The following KLHL2 variants were observed in gnomAD, a reference collection of about 807,000 sequenced individuals.
KLHL2 encodes kelch like family member 2, also known as kelch-like protein 2.
KLHL2 carries 15 observed loss-of-function variants against 75.8 expected under a neutral mutation model. The ratio of observed to expected loss-of-function variants is 0.20; its 90% CI spans 0.13 to 0.30. The LOEUF (loss-of-function observed/expected upper bound fraction) is 0.30. KLHL2 is among the 10% of genes least tolerant of loss of function. The probability of loss-of-function intolerance (pLI) is 1.00; values close to 1 mark genes in which losing one functional copy is unlikely to be tolerated. For synonymous variants in KLHL2, 214 were observed against 251.9 expected (o/e 0.85, Z 1.42); for missense variants, 381 against 741.0 (o/e 0.51, Z 5.64).
intron 4 of KLHL2, among the ~76,000 whole-genome samples, chr4:165,243,746 G>A (rs1305571493): frequency 6.6e-6 from 1 of 152,202 alleles, no homozygotes; most frequent in African/African-American, 2.4e-5. Context: ...GGAGTATGCT[G>A]TATAGATAGT....
At chr4:165,286,679 A>T (rs1231313507) in intron 5 of KLHL2, among the ~76,000 whole-genome samples, 1 of 152,214 alleles carries the variant, frequency 6.6e-6, no homozygotes, top group East Asian at 1.9e-4. Context: ...ATGCCATAAC[A>T]TAAAGATGTG....
intron 5 of KLHL2, among the ~76,000 whole-genome samples, chr4:165,288,174 T>A (rs1278080520): frequency 6.6e-6 from 1 of 152,208 alleles, no homozygotes; most frequent in East Asian, 1.9e-4. Flanking sequence ...GAATTAATTT[T>A]TGTGTATGGC....
At chr4:165,278,533 A>T in intron 5 of KLHL2, 6 of 1,609,962 alleles carry the variant, frequency 3.7e-6, no homozygotes, top group Non-Finnish European at 5.1e-6. Flanking sequence ...TGGGCTCCCA[A>T]TAAGGTGCAT....
intron 2 of KLHL2, among the ~76,000 whole-genome samples, chr4:165,226,433 G>T (rs1398536784): frequency 1.3e-5 from 2 of 152,164 alleles, no homozygotes; most frequent in Non-Finnish European, 2.9e-5. Flanking sequence ...GCCAATAGCT[G>T]CAGGAAGCCC....
At chr4:165,259,899 A>G (rs147259106) in intron 4 of KLHL2, among the ~76,000 whole-genome samples, 9,871 of 151,962 alleles carry the variant, frequency 0.065, 445 homozygotes, top group Middle Eastern at 0.14. Context: ...TCTTCATCAC[A>G]CAAATTAGAA....
At chr4:165,237,520 G>A (rs1356805927) in intron 3 of KLHL2, among the ~76,000 whole-genome samples, 2 of 151,588 alleles carry the variant, frequency 1.3e-5, no homozygotes, top group East Asian at 1.9e-4. Flanking sequence ...AGGGAAGCAC[G>A]CAGTTTTGTA....
chr4:165,245,906 A>G (rs1471706032), intron 4 of KLHL2, among the ~76,000 whole-genome samples: 1 of 151,964 alleles, frequency 6.6e-6, no homozygotes, highest in Non-Finnish European at 1.5e-5. Context: ...TCATCTTTCA[A>G]TCAATAGTTT....
At chr4:165,252,746 G>A (rs1363960939) in intron 4 of KLHL2, 1 of 152,164 alleles carries the variant, frequency 6.6e-6, no homozygotes, top group Non-Finnish European at 1.5e-5. Flanking sequence ...TAGCAATTTG[G>A]TCATGTAAAT....
At chr4:165,314,400 A>G (rs1436145720) in intron 13 of KLHL2, among the ~76,000 whole-genome samples, 2 of 152,178 alleles carry the variant, frequency 1.3e-5, no homozygotes, top group African/African-American at 4.8e-5. Context: ...TAAACTCATC[A>G]TTTCTACTAG....
chr4:165,299,838 G>T (rs1266078917), intron 8 of KLHL2, among the ~76,000 whole-genome samples, 182 bp downstream of exon 8: 1 of 152,176 alleles, frequency 6.6e-6, no homozygotes, highest in Non-Finnish European at 1.5e-5. Context: ...TATGTTAAGG[G>T]TGGGGATTCT....
At position 165,280,750 on chromosome 4, in the gene KLHL2, A is replaced by C. The variant is rs150477290; in HGVS notation, c.545-13609A>C. 3.3e-5 allele frequency among the ~76,000 whole-genome samples: 5 copies of C among 152,348 alleles called. No homozygotes were observed. The East Asian group carries it at 7.7e-4, about 23-fold the overall frequency. ...TCCTCTTTATTCCTTAGTAAACTAC[A>C]TGCAGTCTCTGCTATGCCTTGTTGA... On this transcript the variant is annotated intron_variant, in intron 5 of 14. Coordinates refer to ENST00000226725, the MANE Select transcript of KLHL2 (RefSeq NM_007246.4).
chr4:165,249,568 A>G (rs1365223400), intron 4 of KLHL2, among the ~76,000 whole-genome samples: 1 of 152,210 alleles, frequency 6.6e-6, no homozygotes, highest in South Asian at 2.1e-4. Flanking sequence ...GTGAAATCCA[A>G]TGTCTCCTTA....
chr4:165,225,243 A>G (rs545405561), intron 2 of KLHL2, among the ~76,000 whole-genome samples: 2 of 152,242 alleles, frequency 1.3e-5, no homozygotes, highest in South Asian at 2.1e-4. Flanking sequence ...CTTTTCCATA[A>G]GGTTGGGCCT....
intron 5 of KLHL2, among the ~76,000 whole-genome samples, chr4:165,291,883 G>T (rs955606892): frequency 3.3e-5 from 5 of 152,014 alleles, no homozygotes; most frequent in African/African-American, 1.2e-4. Context: ...AGGCTGGAGA[G>T]CAGTGGTGTG....
At position 165,251,350 on chromosome 4, in the gene KLHL2, TA is replaced by T. The variant is rs1740684453; in HGVS notation, c.382-11845del. ...TTATTTACCATTTGAGTTTTGATGT[TA>T]ATTGTATTTTATTATATTTTAAGTC... On this transcript the variant is annotated intron_variant, in intron 4 of 14. Transcript: ENST00000226725. Among the ~76,000 whole-genome samples, 5 of 152,174 alleles carry T rather than the reference TA, an allele frequency of 3.3e-5. No homozygotes were observed. In the South Asian group the frequency reaches 1.0e-3, roughly 32 times the overall value.
In KLHL2 at chr4:165,313,379, C is replaced by G. The variant is rs1746352480; in HGVS notation, c.1468+13C>G. On this transcript the variant is annotated intron_variant, in intron 12 of 14. Transcript: ENST00000226725. ...CGGAGTGGAGCAGGTACATGTGAAC[C>G]TGTTTTAGCAACTGAAGCACAAAAA... 6.8e-7 allele frequency: 1 copy of G among 1,468,000 alleles called. No homozygotes were observed. Among genetic ancestry groups the G allele is most frequent in the East Asian group, 2.6e-5 (1 of 38,356 alleles). The allele number at this position is 1,468,000 out of a possible 1,614,324, so 90.9% of individuals were successfully genotyped here.
At chr4:165,226,550 T>G (rs1738453839) in intron 2 of KLHL2, among the ~76,000 whole-genome samples, 1 of 152,120 alleles carries the variant, frequency 6.6e-6, no homozygotes, top group Non-Finnish European at 1.5e-5. Context: ...CATTGCCAGT[T>G]TTTTCTGCTC....
intron 9 of KLHL2, among the ~76,000 whole-genome samples, chr4:165,310,304 G>A (rs973403915): frequency 2.0e-5 from 3 of 152,166 alleles, no homozygotes; most frequent in Non-Finnish European, 2.9e-5. Flanking sequence ...CAGCCTGGGC[G>A]ACAGAGTGAG....
chr4:165,273,097 C>T (rs1264131818), intron 5 of KLHL2, among the ~76,000 whole-genome samples: 1 of 152,162 alleles, frequency 6.6e-6, no homozygotes, highest in Non-Finnish European at 1.5e-5. Context: ...GAATAGTACT[C>T]ATGATCCAAC....
Sources: allele counts gnomAD v4.1 joint callset (sites outside exome capture counted in the v4.1 genomes callset), GRCh38; gene constraint gnomAD v4.1.1; transcripts MANE v1.5; gene names NCBI Gene and HGNC (gene_info 2026-07-23, HGNC 2026-07-21).